LRRTM3: variants seen among roughly 807,000 people sequenced by gnomAD.
The protein encoded by LRRTM3 is leucine rich repeat transmembrane neuronal 3.
Under a neutral mutation model 44.7 loss-of-function variants are expected in LRRTM3, and 24 were observed. The observed-to-expected ratio is 0.54, with a 90% CI of 0.39 to 0.76. The LOEUF is 0.76. Ranked by LOEUF, LRRTM3 falls within the 30% of genes least tolerant of loss-of-function variation. LRRTM3 has a pLI of 0.00. For synonymous variants in LRRTM3, 277 were observed against 278.7 expected (o/e 0.99, Z 0.06); for missense variants, 587 against 702.2 (o/e 0.84, Z 1.85).
intron 2 of LRRTM3, among the ~76,000 whole-genome samples, chr10:67,059,995 T>C (rs1049024128): frequency 3.9e-5 from 6 of 152,056 alleles, no homozygotes; most frequent in African/African-American, 4.8e-5. Context: ...TAAGAATGGC[T>C]TTTTTAGGTG....
At chr10:67,092,855 G>C (rs980027695) in intron 2 of LRRTM3, among the ~76,000 whole-genome samples, 1 of 151,970 alleles carries the variant, frequency 6.6e-6, no homozygotes, top group South Asian at 2.1e-4. Context: ...GACACTACTA[G>C]TGTAGCAGAA....
At chr10:66,967,984 G>A (rs1849528611) in intron 2 of LRRTM3, among the ~76,000 whole-genome samples, 1 of 151,968 alleles carries the variant, frequency 6.6e-6, no homozygotes, top group South Asian at 2.1e-4. Flanking sequence ...CTACTGAATT[G>A]GATTTGTCCT....
intron 2 of LRRTM3, among the ~76,000 whole-genome samples, chr10:67,033,012 A>C (rs1853828217): frequency 6.6e-6 from 1 of 152,136 alleles, no homozygotes; most frequent in Non-Finnish European, 1.5e-5. Context: ...TACTTGAATT[A>C]TTTTACAGTA....
intron 2 of LRRTM3, among the ~76,000 whole-genome samples, chr10:66,981,247 A>G (rs1850423669): frequency 6.6e-6 from 1 of 152,192 alleles, no homozygotes; most frequent in Non-Finnish European, 1.5e-5. Context: ...CAATATCCTG[A>G]CTACAGTTAA....
chr10:67,050,882 A>C (rs145166914), intron 2 of LRRTM3, among the ~76,000 whole-genome samples: 10 of 152,344 alleles, frequency 6.6e-5, no homozygotes, highest in Admixed American at 6.5e-4. Flanking sequence ...TTACTTACAT[A>C]CGTAGCACAA....
rs952285929 is a variant in LRRTM3 at position 66,933,999 on chromosome 10, T to G, written c.1536+5547T>G. Among the ~76,000 whole-genome samples the G allele has an allele frequency of 5.9e-5, 9 of 152,182 alleles. No individual in the cohort carries two copies. In the South Asian group the frequency reaches 1.9e-3, roughly 32 times the overall value. Reference sequence around the variant, plus strand: ...GTTGTGAGTTTTCTGACATTTTAACTTCATAGGGTCATGAATGGACGCTCT... The same window carrying G: ...GTTGTGAGTTTTCTGACATTTTAACGTCATAGGGTCATGAATGGACGCTCT... On this transcript the variant is annotated intron_variant, in intron 2 of 2. Coordinates refer to ENST00000361320, the MANE Select transcript of LRRTM3 (RefSeq NM_178011.5).
chr10:66,941,534 GACAA>G (rs1237807647), intron 2 of LRRTM3, among the ~76,000 whole-genome samples: 1 of 152,036 alleles, frequency 6.6e-6, no homozygotes, highest in Non-Finnish European at 1.5e-5. Flanking sequence ...ATTTGAATCT[GACAA>G]ACAACCTGTC....
At chr10:67,074,389 C>T (rs1347883657) in intron 2 of LRRTM3, among the ~76,000 whole-genome samples, 1 of 124,064 alleles carries the variant, frequency 8.1e-6, no homozygotes, top group Non-Finnish European at 1.6e-5. Flanking sequence ...CTCGCTCTGT[C>T]GCCCAGGCTG....
At chr10:67,016,544 C>A (rs1852670343) in intron 2 of LRRTM3, among the ~76,000 whole-genome samples, 2 of 152,102 alleles carry the variant, frequency 1.3e-5, no homozygotes, top group South Asian at 4.1e-4. Context: ...GGCTTCCCTT[C>A]CCTACCATTC....
intron 2 of LRRTM3, among the ~76,000 whole-genome samples, chr10:67,093,234 G>A (rs1372384369): frequency 6.6e-6 from 1 of 151,810 alleles, no homozygotes; most frequent in Non-Finnish European, 1.5e-5. Flanking sequence ...ATTTCCTATT[G>A]CCCTTCCCTG....
At chr10:67,029,778 A>G (rs1043902845) in intron 2 of LRRTM3, among the ~76,000 whole-genome samples, 1 of 152,206 alleles carries the variant, frequency 6.6e-6, no homozygotes, top group African/African-American at 2.4e-5. Context: ...GTGATGTCCA[A>G]TAGGGTAGCC....
At chr10:66,999,244 C>A (rs1851542140) in intron 2 of LRRTM3, among the ~76,000 whole-genome samples, 1 of 151,970 alleles carries the variant, frequency 6.6e-6, no homozygotes, top group East Asian at 1.9e-4. Flanking sequence ...TAAAAGGTAT[C>A]AGTTAAAAGA....
chr10:66,967,028 G>A (rs763273914), intron 2 of LRRTM3, among the ~76,000 whole-genome samples: 57 of 151,826 alleles, frequency 3.8e-4, no homozygotes, highest in Admixed American at 1.1e-3. Flanking sequence ...AGTTCATAGC[G>A]CAAAAAGAAA....
intron 2 of LRRTM3, among the ~76,000 whole-genome samples, chr10:66,993,384 G>A (rs1009012731): frequency 6.6e-6 from 1 of 152,160 alleles, no homozygotes; most frequent in Non-Finnish European, 1.5e-5. Flanking sequence ...AAAGTAGACT[G>A]CACCTCTTGA....
chr10:66,964,296 A>G (rs1849282766), intron 2 of LRRTM3, among the ~76,000 whole-genome samples: 1 of 146,978 alleles, frequency 6.8e-6, no homozygotes, highest in Non-Finnish European at 1.5e-5. Flanking sequence ...TTTTTTCCGC[A>G]TTTCAATCTA....
At chr10:67,069,143 G>A (rs1397101036) in intron 2 of LRRTM3, among the ~76,000 whole-genome samples, 18 of 151,996 alleles carry the variant, frequency 1.2e-4, no homozygotes, top group African/African-American at 4.3e-4. Context: ...GAGGAAATGG[G>A]AGGTAAACTG....
intron 2 of LRRTM3, among the ~76,000 whole-genome samples, chr10:67,074,811 AATTT>A (rs934854749): frequency 1.4e-5 from 2 of 147,108 alleles, no homozygotes; most frequent in Admixed American, 6.6e-5. Context: ...AACATAACAT[AATTT>A]ATTTATGTAT....
chr10:66,978,385 G>A (rs1850186841), intron 2 of LRRTM3, among the ~76,000 whole-genome samples: 1 of 151,266 alleles, frequency 6.6e-6, no homozygotes, highest in African/African-American at 2.4e-5. Flanking sequence ...AAACTAGCTG[G>A]GCGTGGTGGT....
At chr10:67,068,609 A>T (rs1209714153) in intron 2 of LRRTM3, among the ~76,000 whole-genome samples, 1 of 152,208 alleles carries the variant, frequency 6.6e-6, no homozygotes, top group African/African-American at 2.4e-5. Context: ...ATTATCAGAG[A>T]AAAAAAGACA....
Sources: gnomAD v4.1 joint callset for allele counts (sites outside exome capture counted in the v4.1 genomes callset) on GRCh38, gnomAD v4.1.1 for gene constraint, MANE v1.5 for transcripts, NCBI Gene and HGNC (gene_info 2026-07-23, HGNC 2026-07-21) for gene names.